The following ARMC2 variants were observed in gnomAD, a reference collection of about 807,000 sequenced individuals.
ARMC2 encodes the protein armadillo repeat-containing protein 2.
In ARMC2, 67 loss-of-function variants were observed where a neutral mutation model predicts 90.3. The ratio of observed to expected loss-of-function variants is 0.74; its 90% CI spans 0.61 to 0.91. The LOEUF is 0.91. ARMC2 is among the 40% of genes least tolerant of loss of function. The pLI is 0.00. For missense variants in ARMC2, 920 were observed against 1,030.9 expected, an observed-to-expected ratio of 0.89 and a Z score of 1.47; for synonymous variants, 393 against 393.0, an observed-to-expected ratio of 1.00 and a Z score of 0.00.
At chr6:108,876,115 A>T (rs1776905698) in intron 4 of ARMC2, 28 bp from the exon 5 acceptor site, 1 of 1,543,742 alleles carries the variant, frequency 6.5e-7, no homozygotes, top group African/African-American at 1.4e-5. Context: ...GAATACTTCA[A>T]CAAAATATTT....
chr6:108,902,944 G>C (rs1457394565), intron 7 of ARMC2, among the ~76,000 whole-genome samples: 1 of 152,140 alleles, frequency 6.6e-6, no homozygotes, highest in Non-Finnish European at 1.5e-5. Flanking sequence ...GAGGCAAGCA[G>C]ATCACTTGAG....
intron 12 of ARMC2, among the ~76,000 whole-genome samples, chr6:108,947,420 T>C (rs1349295116): frequency 6.6e-6 from 1 of 152,166 alleles, no homozygotes; most frequent in Non-Finnish European, 1.5e-5. Flanking sequence ...TCAACATCTC[T>C]AAATAGGGGT....
chr6:108,946,239 G>C (rs1179380651), intron 12 of ARMC2, among the ~76,000 whole-genome samples: 1 of 152,194 alleles, frequency 6.6e-6, no homozygotes, highest in Non-Finnish European at 1.5e-5. Context: ...GCATTGGCCT[G>C]GTACTTTTGA....
At chr6:108,930,521 A>C (rs1171788406) in intron 11 of ARMC2, among the ~76,000 whole-genome samples, 4 of 149,590 alleles carry the variant, frequency 2.7e-5, no homozygotes, top group African/African-American at 9.9e-5. Flanking sequence ...TTTCCTAACT[A>C]CCCTTTAGAA....
intron 10 of ARMC2, among the ~76,000 whole-genome samples, chr6:108,916,409 A>C (rs184706346): frequency 6.6e-6 from 1 of 152,368 alleles, no homozygotes; most frequent in East Asian, 1.9e-4. Flanking sequence ...ATGTAATAGC[A>C]TTTTGAGAAG....
intron 5 of ARMC2, among the ~76,000 whole-genome samples, chr6:108,882,802 A>G (rs1159474455): frequency 6.6e-6 from 1 of 152,198 alleles, no homozygotes; most frequent in Non-Finnish European, 1.5e-5. Context: ...ACACTTTTCT[A>G]AGTCCTTTGC....
chr6:108,939,807 C>G (rs887939503), intron 12 of ARMC2, among the ~76,000 whole-genome samples: 15 of 152,232 alleles, frequency 9.9e-5, no homozygotes, highest in Non-Finnish European at 1.8e-4. Flanking sequence ...TTATCACTTT[C>G]ATCACTAAAC....
intron 5 of ARMC2, among the ~76,000 whole-genome samples, chr6:108,887,984 T>C (rs897490417): frequency 2.6e-5 from 4 of 152,100 alleles, no homozygotes; most frequent in Admixed American, 2.6e-4. Flanking sequence ...CAGGAAAAGA[T>C]TAGAGACACC....
At chr6:108,878,204 A>G (rs141721602) in intron 5 of ARMC2, among the ~76,000 whole-genome samples, 5 of 152,370 alleles carry the variant, frequency 3.3e-5, no homozygotes, top group African/African-American at 9.6e-5. Context: ...GTAAACATTT[A>G]AGTGACTAAT....
chr6:109,037,898 G>A, the ARMC2 span, among the ~76,000 whole-genome samples: 1 of 151,262 alleles, frequency 6.6e-6, no homozygotes, highest in Non-Finnish European at 1.5e-5. Flanking sequence ...GTTCAACGAT[G>A]CCTATAATTC....
intron 11 of ARMC2, among the ~76,000 whole-genome samples, chr6:108,936,016 T>A (rs546428824): frequency 2.0e-5 from 3 of 152,226 alleles, no homozygotes; most frequent in Admixed American, 6.5e-5. Flanking sequence ...TTTTACCTAT[T>A]GATTCATCAA....
chr6:109,009,578 A>G, the ARMC2 span: 2 of 1,091,724 alleles, frequency 1.8e-6, no homozygotes, highest in South Asian at 4.5e-5. Context: ...CGGCGCCGAC[A>G]AACAAGCCGC....
chr6:109,036,257 T>C, the ARMC2 span, among the ~76,000 whole-genome samples: 1 of 152,248 alleles, frequency 6.6e-6, no homozygotes, highest in Admixed American at 6.5e-5. Context: ...TCCAGCTTTA[T>C]AGTTCAGCAA....
intron 10 of ARMC2, among the ~76,000 whole-genome samples, chr6:108,914,370 C>T (rs966491928): frequency 1.3e-5 from 2 of 152,304 alleles, no homozygotes; most frequent in East Asian, 1.9e-4. Context: ...TTCACCAGGT[C>T]GGATCCCCCC....
intron 3 of ARMC2, among the ~76,000 whole-genome samples, chr6:108,862,891 C>A (rs1338350876): frequency 6.6e-6 from 1 of 152,206 alleles, no homozygotes; most frequent in Non-Finnish European, 1.5e-5. Flanking sequence ...TCAGCTCCTA[C>A]ATTGAGCAGA....
At chr6:108,979,339 T>C (rs562720300), downstream of ARMC2, among the ~76,000 whole-genome samples, 6 of 152,338 alleles carry the variant, frequency 3.9e-5, no homozygotes, top group South Asian at 1.2e-3. Context: ...TTCTGGCTTG[T>C]AGCGTTTCTG....
At chr6:108,965,931 G>GT in intron 17 of ARMC2, among the ~76,000 whole-genome samples, 1 of 151,384 alleles carries the variant, frequency 6.6e-6, no homozygotes, top group East Asian at 1.9e-4. Flanking sequence ...GGGATTACTG[G>GT]TGTGAACCAC....
chr6:108,914,762 A>G (rs910020281), intron 10 of ARMC2, among the ~76,000 whole-genome samples: 1 of 152,180 alleles, frequency 6.6e-6, no homozygotes, highest in African/African-American at 2.4e-5. Context: ...TATCATACAA[A>G]TGATAAAATG....
chr6:108,988,038 C>G, the ARMC2 span, among the ~76,000 whole-genome samples: 1 of 152,120 alleles, frequency 6.6e-6, no homozygotes, highest in African/African-American at 2.4e-5. Context: ...AAGTGATCAG[C>G]CTGCCTTGGC....
Sources: allele counts gnomAD v4.1 joint callset (sites outside exome capture counted in the v4.1 genomes callset), GRCh38; gene constraint gnomAD v4.1.1; transcripts MANE v1.5; gene names NCBI Gene and HGNC (gene_info 2026-07-23, HGNC 2026-07-21).